GRIN2A: variants seen among roughly 807,000 people sequenced by gnomAD.
The protein encoded by GRIN2A is glutamate receptor ionotropic, NMDA 2A.
A neutral mutation model predicts 113.4 loss-of-function variants in GRIN2A; 22 were observed. The ratio of observed to expected loss-of-function variants is 0.19; its 90% CI spans 0.14 to 0.28. The LOEUF is 0.28. Ranked by LOEUF, GRIN2A falls within the 10% of genes least tolerant of loss-of-function variation. GRIN2A has a pLI of 1.00. For synonymous variants in GRIN2A, 827 were observed against 738.4 expected (o/e 1.12, Z -1.94); for missense variants, 1,502 against 1,887.0 (o/e 0.80, Z 3.78).
chr16:9,783,806 G>C (rs1902063213), intron 11 of GRIN2A, among the ~76,000 whole-genome samples: 1 of 152,178 alleles, frequency 6.6e-6, no homozygotes, highest in Non-Finnish European at 1.5e-5. Context: ...TTACTTTAAA[G>C]AGTGATTCTT....
Position 9,760,487 on chromosome 16 carries a change from T to C in GRIN2A, c.*2662A>G, listed in dbSNP as rs1900536125. 4 of 221,792 alleles carry C rather than the reference T, an allele frequency of 1.8e-5. No individual in the cohort carries two copies. The highest frequency in any genetic ancestry group is 3.6e-5 in the Non-Finnish European group (4 of 111,254). The allele number at this position is 221,792 out of a possible 1,614,324, so 13.7% of individuals were successfully genotyped here. On this transcript the variant is annotated 3_prime_UTR_variant, in exon 13 of 13. Transcript: ENST00000330684. Reference sequence around the variant, plus strand: ...TAGCATAACATTTCTGATTATTTATTTGAAAAAACACTTCGGTCAGTGAAA... The same window carrying C: ...TAGCATAACATTTCTGATTATTTATCTGAAAAAACACTTCGGTCAGTGAAA...
chr16:9,969,642 T>A (rs998631364), intron 2 of GRIN2A, among the ~76,000 whole-genome samples: 3 of 152,150 alleles, frequency 2.0e-5, no homozygotes, highest in Non-Finnish European at 2.9e-5. Flanking sequence ...GCCATCCAGA[T>A]ACCCTAGACC....
chr16:9,935,601 G>A (rs1219302453), intron 3 of GRIN2A, among the ~76,000 whole-genome samples: 2 of 150,746 alleles, frequency 1.3e-5, no homozygotes, highest in African/African-American at 2.4e-5. Context: ...AACTGTAGCA[G>A]ATTCAAAGTC....
chr16:10,158,304 A>G (rs887795220), intron 2 of GRIN2A, among the ~76,000 whole-genome samples: 1 of 152,218 alleles, frequency 6.6e-6, no homozygotes, highest in African/African-American at 2.4e-5. Context: ...TGTATCTGGC[A>G]TCATTTTATT....
At chr16:9,993,055 A>T (rs1006148707) in intron 2 of GRIN2A, among the ~76,000 whole-genome samples, 4 of 118,794 alleles carry the variant, frequency 3.4e-5, no homozygotes, top group African/African-American at 1.8e-4. Flanking sequence ...ATCTCTACCA[A>T]AAATACAAAA....
intron 2 of GRIN2A, among the ~76,000 whole-genome samples, chr16:10,146,390 C>A (rs544027985): frequency 1.5e-3 from 233 of 152,238 alleles, no homozygotes; most frequent in Non-Finnish European, 2.6e-3. Context: ...AGTGCATGAG[C>A]CACCACGCCC....
At chr16:10,011,777 C>T (rs989227696) in intron 2 of GRIN2A, among the ~76,000 whole-genome samples, 1 of 152,108 alleles carries the variant, frequency 6.6e-6, no homozygotes, top group Non-Finnish European at 1.5e-5. Context: ...GGCGGGATGA[C>T]GTTCACCAAG....
At chr16:9,971,725 G>C in intron 2 of GRIN2A, among the ~76,000 whole-genome samples, 1 of 152,050 alleles carries the variant, frequency 6.6e-6, no homozygotes, top group Admixed American at 6.6e-5. Flanking sequence ...AACAGCAGAA[G>C]ATAGCCAGAG....
At chr16:10,001,277 G>T (rs527523085) in intron 2 of GRIN2A, among the ~76,000 whole-genome samples, 1 of 152,282 alleles carries the variant, frequency 6.6e-6, no homozygotes, top group African/African-American at 2.4e-5. Flanking sequence ...GAACCATGAA[G>T]TCCTGGGTTT....
At position 10,115,556 on chromosome 16, in the gene GRIN2A, T is replaced by C. The variant is rs190839032; in HGVS notation, c.414+64442A>G. The stretch of plus-strand genomic sequence containing the variant: ...TATCTGAACCAACAGGATAGGCTGC[T>C]GGGACACCCACTCTACTTATCAGAG... On this transcript the variant is annotated intron_variant, in intron 2 of 12. Transcript: ENST00000330684. Among the ~76,000 whole-genome samples, 195 of 152,352 alleles carry C rather than the reference T, an allele frequency of 1.3e-3. 1 individual carries two copies. Among genetic ancestry groups the C allele is most frequent in the Admixed American group, 0.011 (167 of 15,298 alleles).
chr16:10,180,917 A>T lies in GRIN2A; in HGVS notation c.-18-488T>A, dbSNP rs2050256462. On this transcript the variant is annotated intron_variant, in intron 1 of 12. Transcript: ENST00000330684. This position sits in a 1 kb window ranked among gnomAD's most constrained non-coding sequence, Gnocchi z 7.0. ...ACTACAGACCCCGCAGGGCGTGCGGAGGCGGCACCCAGACCCCGCGTCCCA... is the reference window on the plus strand; with the variant it reads ...ACTACAGACCCCGCAGGGCGTGCGGTGGCGGCACCCAGACCCCGCGTCCCA... The T allele has an allele frequency of 5.3e-6, 1 of 190,448 alleles. No individual in the cohort carries two copies. The highest frequency in any genetic ancestry group is 1.0e-4 in the South Asian group (1 of 9,750). The allele number at this position is 190,448 out of a possible 1,614,324, so 11.8% of individuals were successfully genotyped here. A position where few individuals can be genotyped will look rare whatever the true frequency, so the allele number is the denominator to read the frequency against.
intron 9 of GRIN2A, among the ~76,000 whole-genome samples, chr16:9,825,373 C>G (rs920034980): frequency 1.3e-5 from 2 of 152,126 alleles, no homozygotes; most frequent in African/African-American, 4.8e-5. Context: ...AACAATGAAG[C>G]CTGTCTCCTT....
intron 2 of GRIN2A, among the ~76,000 whole-genome samples, chr16:10,048,791 A>C (rs2047304777): frequency 6.6e-6 from 1 of 152,082 alleles, no homozygotes; most frequent in South Asian, 2.1e-4. Context: ...CTCAACCCAT[A>C]AAAGACTTCT....
intron 11 of GRIN2A, among the ~76,000 whole-genome samples, chr16:9,777,931 C>T (rs1005727163): frequency 1.3e-5 from 2 of 151,944 alleles, no homozygotes; most frequent in Non-Finnish European, 2.9e-5. Context: ...TGGGCGTGGT[C>T]GTGGGCGCCT....
rs2050247960 is a variant in GRIN2A at position 10,180,530 on chromosome 16, T to A, written c.-18-101A>T. 1 of 1,524,460 alleles carries A rather than the reference T, an allele frequency of 6.6e-7. No individual in the cohort carries two copies. Among genetic ancestry groups the A allele is most frequent in the Non-Finnish European group, 8.8e-7 (1 of 1,141,766 alleles). The allele number at this position is 1,524,460 out of a possible 1,614,324, so 94.4% of individuals were successfully genotyped here. A position where few individuals can be genotyped will look rare whatever the true frequency, so the allele number is the denominator to read the frequency against. ...CTGCTCTAGGAGCCAGGCATGGAACTCAGCAGCAGGATAGGCTGCTGGGAT... is the reference window on the plus strand; with the variant it reads ...CTGCTCTAGGAGCCAGGCATGGAACACAGCAGCAGGATAGGCTGCTGGGAT... On this transcript the variant is annotated intron_variant, in intron 1 of 12. Transcript: ENST00000330684. The surrounding 1 kb of genome is among the most constrained non-coding windows in gnomAD (Gnocchi z 7.0).
At chr16:9,925,719 A>G (rs951179233) in intron 3 of GRIN2A, among the ~76,000 whole-genome samples, 13 of 152,256 alleles carry the variant, frequency 8.5e-5, no homozygotes, top group South Asian at 6.2e-4. Flanking sequence ...TTTTTTGTCC[A>G]TTTTGGTTGT....
intron 2 of GRIN2A, chr16:10,113,015 G>A (rs528389988): frequency 2.6e-5 from 8 of 311,416 alleles, no homozygotes; most frequent in East Asian, 2.4e-4. Context: ...AGGGAGAGAG[G>A]AGGAGAGGTC....
chr16:9,840,268 G>A, intron 7 of GRIN2A, among the ~76,000 whole-genome samples: 1 of 152,270 alleles, frequency 6.6e-6, no homozygotes, highest in Non-Finnish European at 1.5e-5. Flanking sequence ...TGTGAGAGAA[G>A]TGAAGCGAAG....
In GRIN2A at chr16:9,822,513, T is replaced by C. The variant is rs2141295485; in HGVS notation, c.2008-89A>G. On this transcript the variant is annotated intron_variant, in intron 9 of 12. Coordinates refer to ENST00000330684, the MANE Select transcript of GRIN2A (RefSeq NM_001134407.3). ...GAGAGAACAAATAATAAATTAGTGA[T>C]CATTTTGTCTGGTGTTAGGAGGTAA... 50 of 876,784 alleles carry C rather than the reference T, an allele frequency of 5.7e-5. No homozygotes were observed. The South Asian group carries it at 6.6e-4, about 11-fold the overall frequency. 54.3% of individuals were successfully genotyped at this position (876,784 alleles called of 1,614,324 possible). A position where few individuals can be genotyped will look rare whatever the true frequency, so the allele number is the denominator to read the frequency against.
Sources: gnomAD v4.1 joint callset for allele counts (sites outside exome capture counted in the v4.1 genomes callset) on GRCh38, gnomAD v4.1.1 for gene constraint, Gnocchi (gnomAD v3.1) non-coding constraint, MANE v1.5 for transcripts, NCBI Gene and HGNC (gene_info 2026-07-23, HGNC 2026-07-21) for gene names.